KIF16B: variants seen among roughly 807,000 people sequenced by gnomAD.
The protein encoded by KIF16B is kinesin-like protein KIF16B.
KIF16B carries 98 observed loss-of-function variants against 156.3 expected under a neutral mutation model. The observed-to-expected ratio is 0.63, with a 90% CI of 0.53 to 0.74. KIF16B has a LOEUF of 0.74. KIF16B is among the 30% of genes least tolerant of loss of function. The pLI, the probability that KIF16B is intolerant of heterozygous loss-of-function variation, is 0.00. For missense variants in KIF16B, 1,421 were observed against 1,606.5 expected, an observed-to-expected ratio of 0.88 and a Z score of 1.97; for synonymous variants, 564 against 583.7, an observed-to-expected ratio of 0.97 and a Z score of 0.49.
intron 12 of KIF16B, among the ~76,000 whole-genome samples, chr20:16,462,380 G>A (rs1464793367): frequency 6.6e-6 from 1 of 152,104 alleles, no homozygotes; most frequent in African/African-American, 2.4e-5. Context: ...ACAACAGAAA[G>A]ACTTAACTGC....
intron 23 of KIF16B, among the ~76,000 whole-genome samples, chr20:16,346,349 G>A (rs191490083): frequency 2.0e-5 from 3 of 152,304 alleles, no homozygotes; most frequent in East Asian, 3.9e-4. Flanking sequence ...CAGGGGAGCC[G>A]CTCAAATAGG....
chr20:16,450,332 A>G (rs2067046386), intron 12 of KIF16B, among the ~76,000 whole-genome samples: 1 of 151,876 alleles, frequency 6.6e-6, no homozygotes, highest in Non-Finnish European at 1.5e-5. Flanking sequence ...ATAAGCCCCA[A>G]CTCTACCATG....
At chr20:16,534,666 T>C (rs6044083) in intron 1 of KIF16B, among the ~76,000 whole-genome samples, 29,764 of 152,200 alleles carry the variant, frequency 0.2, 3,140 homozygotes, top group Non-Finnish European at 0.23. Flanking sequence ...AAGTGTTCAA[T>C]CCATCTGGAG....
chr20:16,330,318 C>A (rs2063925558), intron 24 of KIF16B, among the ~76,000 whole-genome samples: 1 of 152,084 alleles, frequency 6.6e-6, no homozygotes, highest in Non-Finnish European at 1.5e-5. Context: ...AAATAATTAA[C>A]CAAATGAATG....
At chr20:16,519,316 T>C (rs900219242) in intron 3 of KIF16B, among the ~76,000 whole-genome samples, 1 of 152,140 alleles carries the variant, frequency 6.6e-6, no homozygotes, top group African/African-American at 2.4e-5. Flanking sequence ...AGGGACTCGC[T>C]ATATTGCCCA....
intron 12 of KIF16B, 146 bp from the exon 13 acceptor site, chr20:16,430,128 A>T: frequency 1.2e-6 from 1 of 838,490 alleles, no homozygotes; most frequent in Non-Finnish European, 1.8e-6. Context: ...CTTCGTGTTG[A>T]AATCCTGGCA....
rs777365713 is a variant in KIF16B, at chr20:16,368,494, C to T, written c.3498+2092G>A. On this transcript the variant is annotated intron_variant, in intron 22 of 25. Transcript: ENST00000354981. ...CTGGGAGGGGAGCCCCCTCGGGGCA[C>T]ACAGATTCCCCACAAGCCTGGCTTG... 747 of 986,146 alleles carry T rather than the reference C, an allele frequency of 7.6e-4. 2 individuals carry two copies. The highest frequency in any genetic ancestry group is 8.7e-4 in the Non-Finnish European group (721 of 830,264). The allele number at this position is 986,146 out of a possible 1,614,324, so 61.1% of individuals were successfully genotyped here.
chr20:16,377,935 A>G (rs2064993179), intron 19 of KIF16B, among the ~76,000 whole-genome samples: 1 of 152,188 alleles, frequency 6.6e-6, no homozygotes, highest in Non-Finnish European at 1.5e-5. Flanking sequence ...ATTTTTCACA[A>G]CAACAAAAAT....
At chr20:16,552,294 T>C (rs1298862198) in intron 1 of KIF16B, among the ~76,000 whole-genome samples, 1 of 152,192 alleles carries the variant, frequency 6.6e-6, no homozygotes, top group Non-Finnish European at 1.5e-5. Flanking sequence ...TGAGAACAGC[T>C]ACATGTGCCT....
chr20:16,448,457 T>G (rs1007635958), intron 12 of KIF16B, among the ~76,000 whole-genome samples: 1 of 152,104 alleles, frequency 6.6e-6, no homozygotes, highest in South Asian at 2.1e-4. Context: ...CCTAGCCCAG[T>G]CCTTCAGCTC....
Position 16,379,611 on chromosome 20 carries a change from A to T in KIF16B, c.2391T>A (p.Ile797=). The T allele has an allele frequency of 6.2e-7, 1 of 1,613,882 alleles. No homozygotes were observed. The highest frequency in any genetic ancestry group is 8.5e-7 in the Non-Finnish European group (1 of 1,179,954). ...CCTTCACCCGCAGGAGGGATTCCCG[A>T]ATGCCTTCCAGGTCCCTCTTCTCCT... ...VEEEKRDLEG[I]RESLLRVKEA... is the part of the protein sequence containing the mutation. Residue 797 remains isoleucine (I), a synonymous_variant, in exon 19 of 26, where the codon ATT becomes ATA. Transcript: ENST00000354981.
At chr20:16,333,137 G>T (rs1052416221) in intron 24 of KIF16B, among the ~76,000 whole-genome samples, 1 of 152,054 alleles carries the variant, frequency 6.6e-6, no homozygotes, top group Non-Finnish European at 1.5e-5. Context: ...CACTTTTCCA[G>T]GCCTTTTTGT....
At chr20:16,368,108 G>T (rs944951860) in intron 22 of KIF16B, 17 of 1,268,178 alleles carry the variant, frequency 1.3e-5, no homozygotes, top group Non-Finnish European at 1.6e-5. Flanking sequence ...TTGCCCAAAG[G>T]TTCTGGTAGA....
intron 23 of KIF16B, among the ~76,000 whole-genome samples, chr20:16,345,058 T>C (rs1340128025): frequency 2.0e-5 from 3 of 152,196 alleles, no homozygotes; most frequent in African/African-American, 4.8e-5. Context: ...CTGTCTTTGT[T>C]GTTCCCATTG....
At chr20:16,416,651 G>A (rs1383732339) in intron 15 of KIF16B, among the ~76,000 whole-genome samples, 1 of 151,750 alleles carries the variant, frequency 6.6e-6, no homozygotes, top group Non-Finnish European at 1.5e-5. Context: ...GGGTTGATAG[G>A]TGCAGCAAAC....
intron 22 of KIF16B, among the ~76,000 whole-genome samples, chr20:16,364,484 T>C (rs1016219500): frequency 1.3e-5 from 2 of 152,206 alleles, no homozygotes; most frequent in African/African-American, 4.8e-5. Context: ...CAGACTCTCA[T>C]AGTTGCTCCA....
chr20:16,429,813 A>C (rs1345922822), intron 13 of KIF16B, 50 bp downstream of exon 13: 6 of 1,531,694 alleles, frequency 3.9e-6, no homozygotes, highest in South Asian at 2.4e-5. Flanking sequence ...TTAGTGTCTA[A>C]TGGAGAAACT....
intron 12 of KIF16B, among the ~76,000 whole-genome samples, chr20:16,450,239 C>T (rs1270297246): frequency 6.6e-6 from 1 of 152,122 alleles, no homozygotes; most frequent in Non-Finnish European, 1.5e-5. Flanking sequence ...CTAGAAAAGA[C>T]ACAAATACCT....
chr20:16,325,847 G>T (rs981339642), intron 24 of KIF16B, among the ~76,000 whole-genome samples: 9 of 151,802 alleles, frequency 5.9e-5, no homozygotes, highest in African/African-American at 2.2e-4. Flanking sequence ...GCCAAAGCAA[G>T]ACTAGCAAAA....
Sources: allele counts gnomAD v4.1 joint callset (sites outside exome capture counted in the v4.1 genomes callset), GRCh38; gene constraint gnomAD v4.1.1; transcripts MANE v1.5; gene names NCBI Gene and HGNC (gene_info 2026-07-23, HGNC 2026-07-21).